The following EVL variants were observed in gnomAD, a reference collection of about 807,000 sequenced individuals.
EVL encodes the protein ena/VASP-like protein.
A neutral mutation model predicts 59.6 loss-of-function variants in EVL; 21 were observed. That is an observed-to-expected ratio of 0.35 (90% CI 0.25 to 0.51). The LOEUF (loss-of-function observed/expected upper bound fraction) is 0.51, where lower values mean the gene tolerates loss of function less well. Ranked by LOEUF, EVL falls within the 20% of genes least tolerant of loss-of-function variation. The probability of loss-of-function intolerance (pLI) is 0.97; values close to 1 mark genes in which losing one functional copy is unlikely to be tolerated. For synonymous variants in EVL, 198 were observed against 203.5 expected (o/e 0.97, Z 0.23); for missense variants, 462 against 546.6 (o/e 0.85, Z 1.54).
chr14:100,043,242 T>C (rs1487776383), intron 1 of EVL, among the ~76,000 whole-genome samples: 2 of 151,040 alleles, frequency 1.3e-5, no homozygotes, highest in African/African-American at 4.9e-5. Flanking sequence ...TATGTGTGTG[T>C]GTGTATATAT....
At chr14:100,129,514 G>A (rs1350433428) in intron 6 of EVL, 49 bp from the exon 7 acceptor site, 27 of 1,610,026 alleles carry the variant, frequency 1.7e-5, no homozygotes, top group Non-Finnish European at 2.2e-5. Context: ...TGCTGCTCCT[G>A]TTCTGCCATC....
Position 99,972,284 on chromosome 14 carries a change from G to A in EVL, c.5+227G>A, listed in dbSNP as rs572470100. On this transcript the variant is annotated intron_variant, in intron 1 of 13. Coordinates refer to the EVL transcript ENST00000402714. This position sits in a 1 kb window ranked among gnomAD's most constrained non-coding sequence, Gnocchi z 4.4. ...GCCGGGAGGGTCTGCAGGGCTTGTGGGGGGCAGTGTTCTGCAAGGGGCAGG... is the reference window on the plus strand; with the variant it reads ...GCCGGGAGGGTCTGCAGGGCTTGTGAGGGGCAGTGTTCTGCAAGGGGCAGG... Among the ~76,000 whole-genome samples the A allele has an allele frequency of 6.6e-6, 1 of 152,246 alleles. No homozygotes were observed. The highest frequency in any genetic ancestry group is 2.1e-4 in the South Asian group (1 of 4,826).
At chr14:100,044,898 A>G (rs1202149761) in intron 1 of EVL, among the ~76,000 whole-genome samples, 1 of 152,206 alleles carries the variant, frequency 6.6e-6, no homozygotes, top group East Asian at 1.9e-4. Flanking sequence ...CACTGGGGAC[A>G]GTGCAGTGAG....
In EVL at chr14:99,972,081, G is replaced by T; in HGVS notation, c.5+24G>T. 3.2e-6 allele frequency: 1 copy of T among 316,252 alleles called. No homozygotes were observed. Among genetic ancestry groups the T allele is most frequent in the South Asian group, 1.4e-4 (1 of 7,284 alleles). The allele number at this position is 316,252 out of a possible 1,614,324, so 19.6% of individuals were successfully genotyped here. On this transcript the variant is annotated intron_variant, in intron 1 of 13. Transcript: ENST00000402714. The surrounding 1 kb of genome is among the most constrained non-coding windows in gnomAD (Gnocchi z 4.4). ...AGGTGAGTCGGGGCCGGCGCCTCGT[G>T]GGAGGTGGCAGCGGCCAGCGTCGGA...
At chr14:99,982,009 G>C (rs1280831280) in intron 1 of EVL, among the ~76,000 whole-genome samples, 1 of 152,224 alleles carries the variant, frequency 6.6e-6, no homozygotes, top group Non-Finnish European at 1.5e-5. Flanking sequence ...ACTTCCAGCT[G>C]ATGTCGGGGT....
intron 1 of EVL, among the ~76,000 whole-genome samples, chr14:100,069,919 A>G (rs543197010): frequency 6.6e-6 from 1 of 152,172 alleles, no homozygotes; most frequent in Non-Finnish European, 1.5e-5. Context: ...CACTATTGCC[A>G]CTTTACAGAT....
chr14:100,089,320 G>A (rs1157771346), intron 2 of EVL, among the ~76,000 whole-genome samples: 1 of 152,174 alleles, frequency 6.6e-6, no homozygotes, highest in Non-Finnish European at 1.5e-5. Context: ...GCCAACAACT[G>A]TACGATGCAT....
intron 1 of EVL, among the ~76,000 whole-genome samples, chr14:100,038,771 G>GGTGTGT (rs61309441): frequency 0.087 from 12,250 of 140,940 alleles, 670 homozygotes; most frequent in African/African-American, 0.15. Flanking sequence ...TGTGCCCTGG[G>GGTGTGT]GTGTGTGTGT....
At chr14:100,080,721 C>G (rs2140296006) in intron 1 of EVL, among the ~76,000 whole-genome samples, 1 of 152,304 alleles carries the variant, frequency 6.6e-6, no homozygotes, top group Middle Eastern at 3.4e-3. Context: ...ACCTACAGCT[C>G]AGAGATGCCT....
At chr14:100,118,310 A>G (rs1401427271) in intron 3 of EVL, among the ~76,000 whole-genome samples, 1 of 151,684 alleles carries the variant, frequency 6.6e-6, no homozygotes, top group African/African-American at 2.4e-5. Flanking sequence ...TGCTCTCCCT[A>G]CCCCTTTCCA....
chr14:100,074,039 A>G (rs1194165213), intron 1 of EVL, among the ~76,000 whole-genome samples: 1 of 152,068 alleles, frequency 6.6e-6, no homozygotes, highest in Non-Finnish European at 1.5e-5. Context: ...GAGCAGTGTG[A>G]GTAGAGGCTA....
intron 1 of EVL, among the ~76,000 whole-genome samples, chr14:100,023,196 C>CT (rs879309983): frequency 4.0e-4 from 55 of 138,256 alleles, no homozygotes; most frequent in South Asian, 1.6e-3. Flanking sequence ...TCCTTTTGCC[C>CT]TTTTTTTTTT....
intron 3 of EVL, among the ~76,000 whole-genome samples, chr14:100,120,582 C>T (rs182103621): frequency 1.3e-5 from 2 of 152,162 alleles, no homozygotes; most frequent in African/African-American, 4.8e-5. Context: ...TTGGTGGAGA[C>T]GGCAGGAAAA....
At chr14:100,052,315 A>G (rs1163624749) in intron 1 of EVL, among the ~76,000 whole-genome samples, 1 of 152,232 alleles carries the variant, frequency 6.6e-6, no homozygotes, top group Non-Finnish European at 1.5e-5. Flanking sequence ...GTAAATTCTG[A>G]AAGAGCTTAC....
At chr14:100,021,430 G>A (rs934624034) in intron 1 of EVL, among the ~76,000 whole-genome samples, 9 of 152,168 alleles carry the variant, frequency 5.9e-5, no homozygotes, top group African/African-American at 2.2e-4. Context: ...AAATTTTACT[G>A]GATGTGACTG....
intron 1 of EVL, among the ~76,000 whole-genome samples, chr14:100,054,746 G>C (rs1200665771): frequency 6.6e-6 from 1 of 152,084 alleles, no homozygotes. Context: ...TGCTTCCCCC[G>C]TGGCCCTGCA....
At position 99,972,331 on chromosome 14, in the gene EVL, G is replaced by C. The variant is rs2060739571; in HGVS notation, c.5+274G>C. 6.6e-6 allele frequency among the ~76,000 whole-genome samples: 1 copy of C among 152,130 alleles called. No homozygotes were observed. Among genetic ancestry groups the C allele is most frequent in the South Asian group, 2.1e-4 (1 of 4,828 alleles). On this transcript the variant is annotated intron_variant, in intron 1 of 13. Coordinates refer to the EVL transcript ENST00000402714. The surrounding 1 kb of genome is among the most constrained non-coding windows in gnomAD (Gnocchi z 4.4). ...CAGGCGGCGCTGGCTTTGGCTGCTT[G>C]TGGGGTCCTCTTAGGCTCCGGGGGG...
chr14:100,016,664 G>A (rs2061053789), intron 1 of EVL, among the ~76,000 whole-genome samples: 2 of 152,330 alleles, frequency 1.3e-5, no homozygotes, highest in South Asian at 4.1e-4. Context: ...ATTCCAGACA[G>A]GAGTGGAGTT....
chr14:100,008,821 G>T (rs889954878), intron 1 of EVL, among the ~76,000 whole-genome samples: 23 of 152,218 alleles, frequency 1.5e-4, no homozygotes, highest in African/African-American at 5.3e-4. Context: ...TGGGTGTTGG[G>T]GCTTTTTGTA....
Sources: gnomAD v4.1 joint callset for allele counts (sites outside exome capture counted in the v4.1 genomes callset) on GRCh38, gnomAD v4.1.1 for gene constraint, Gnocchi (gnomAD v3.1) non-coding constraint, MANE v1.5 for transcripts, NCBI Gene and HGNC (gene_info 2026-07-23, HGNC 2026-07-21) for gene names.